The following CLDN20 variants were observed in gnomAD, a reference collection of about 807,000 sequenced individuals.
The protein encoded by CLDN20 is claudin 20.
For missense variants in CLDN20, 258 were observed against 267.9 expected (o/e 0.96, Z 0.26); for synonymous variants, 104 against 103.6 (o/e 1.00, Z -0.03).
intron 1 of CLDN20, 77 bp from the exon 2 acceptor site, chr6:155,275,539 T>G: frequency 1.6e-6 from 1 of 626,456 alleles, no homozygotes; most frequent in South Asian, 2.0e-5. Flanking sequence ...GATGTGTTCT[T>G]GGCTCCTACT....
chr6:155,274,272 T>A (rs1785068772), intron 1 of CLDN20, among the ~76,000 whole-genome samples: 1 of 152,182 alleles, frequency 6.6e-6, no homozygotes, highest in South Asian at 2.1e-4. Context: ...TCAGAAACCA[T>A]TACATTTTTC....
chr6:155,266,185 A>G (rs1313577386), intron 1 of CLDN20, among the ~76,000 whole-genome samples: 1 of 152,188 alleles, frequency 6.6e-6, no homozygotes, highest in Non-Finnish European at 1.5e-5. Context: ...GTTAACCATC[A>G]CAACATTTTT....
At chr6:155,269,161 C>A (rs570492840) in intron 1 of CLDN20, among the ~76,000 whole-genome samples, 132 of 151,802 alleles carry the variant, frequency 8.7e-4, no homozygotes, top group African/African-American at 3.2e-3. Flanking sequence ...GTAGGACTTA[C>A]AAATATGCTC....
intron 1 of CLDN20, among the ~76,000 whole-genome samples, chr6:155,265,192 C>G (rs1160772817): frequency 6.6e-6 from 1 of 152,188 alleles, no homozygotes; most frequent in African/African-American, 2.4e-5. Context: ...GGCTGCCCAG[C>G]CGGGCCATGG....
In CLDN20 at chr6:155,276,357, AC is replaced by A; in HGVS notation, c.639del (p.His213GlnfsTer3). ...SNTQLENNST[H>X]NLKDYV ...ACACAGCTCGAGAACAATTCCACACACAATCTGAAGGATTATGTGTAAATAA... is the reference window on the plus strand; with the variant it reads ...ACACAGCTCGAGAACAATTCCACACAAATCTGAAGGATTATGTGTAAATAA... On this transcript the variant is annotated frameshift_variant, in exon 2 of 2. Coordinates refer to ENST00000367165, the MANE Select transcript of CLDN20 (RefSeq NM_001001346.3). LOFTEE classifies it high-confidence loss of function. 1 of 1,613,166 alleles carries A rather than the reference AC, an allele frequency of 6.2e-7. No homozygotes were observed. Among genetic ancestry groups the A allele is most frequent in the South Asian group, 1.1e-5 (1 of 91,050 alleles).
Position 155,275,083 on chromosome 6 carries a change from G to A in CLDN20, c.-104-533G>A, listed in dbSNP as rs375354976. ...AATACAAAAAAAAAAAAAATTAGCC[G>A]GGCATGGTGGCGGGCGCCTGTAGTC... is the stretch of plus-strand genomic sequence containing the variant. On this transcript the variant is annotated intron_variant, in intron 1 of 1. Transcript: ENST00000367165. Among the ~76,000 whole-genome samples the A allele has an allele frequency of 2.6e-3, 400 of 151,848 alleles. 3 individuals carry two copies. The highest frequency in any genetic ancestry group is 8.8e-3 in the African/African-American group (366 of 41,426).
At chr6:155,266,734 C>A (rs113984694) in intron 1 of CLDN20, among the ~76,000 whole-genome samples, 5 of 151,162 alleles carry the variant, frequency 3.3e-5, no homozygotes, top group African/African-American at 1.2e-4. Flanking sequence ...GTAGTCCCCG[C>A]TACTTGGGAG....
Position 155,276,508 on chromosome 6 carries a change from A to C in CLDN20, c.*129A>C. The C allele has an allele frequency of 2.5e-6, 2 of 806,580 alleles. No homozygotes were observed. Among genetic ancestry groups the C allele is most frequent in the Non-Finnish European group, 3.9e-6 (2 of 512,650 alleles). 50.0% of individuals were successfully genotyped at this position (806,580 alleles called of 1,614,324 possible). On this transcript the variant is annotated 3_prime_UTR_variant, in exon 2 of 2. Transcript: ENST00000367165. ...GAATGTAAAATACTTTAACAACTAC[A>C]AAGTAGTTTAAAATGCCAATAAAAC...
intron 1 of CLDN20, among the ~76,000 whole-genome samples, chr6:155,270,654 T>A (rs1267684382): frequency 6.6e-6 from 1 of 152,166 alleles, no homozygotes; most frequent in African/African-American, 2.4e-5. Context: ...AACCCATTTA[T>A]CCTCCAGCCA....
chr6:155,264,127 G>C lies in CLDN20; in HGVS notation c.-266G>C, dbSNP rs1485989743. 2.0e-5 allele frequency: 3 copies of C among 152,174 alleles called. No individual in the cohort carries two copies. Among genetic ancestry groups the C allele is most frequent in the Non-Finnish European group, 4.4e-5 (3 of 68,054 alleles). 9.4% of individuals were successfully genotyped at this position (152,174 alleles called of 1,614,324 possible). On this transcript the variant is annotated 5_prime_UTR_variant, in exon 1 of 2. Transcript: ENST00000367165. ...GGAACGCAGGAGGACAGGGGCTTGG[G>C]AGAGCCACTTCACTGTCGGGTAAAA...
chr6:155,264,599 G>C (rs537082474), intron 1 of CLDN20, among the ~76,000 whole-genome samples: 1 of 151,938 alleles, frequency 6.6e-6, no homozygotes, highest in South Asian at 2.1e-4. Context: ...CAGAAGTTCT[G>C]TCCTCACCCT....
At chr6:155,266,206 A>C (rs889893690) in intron 1 of CLDN20, among the ~76,000 whole-genome samples, 7 of 152,182 alleles carry the variant, frequency 4.6e-5, no homozygotes, top group Admixed American at 3.9e-4. Flanking sequence ...TTTAAAATTC[A>C]GAACCCCAAC....
At chr6:155,265,193 C>CG (rs1562388808) in intron 1 of CLDN20, among the ~76,000 whole-genome samples, 1 of 152,140 alleles carries the variant, frequency 6.6e-6, no homozygotes, top group African/African-American at 2.4e-5. Flanking sequence ...GCTGCCCAGC[C>CG]GGGCCATGGG....
intron 1 of CLDN20, among the ~76,000 whole-genome samples, chr6:155,275,290 C>T (rs1388091546): frequency 6.6e-6 from 1 of 152,178 alleles, no homozygotes; most frequent in East Asian, 1.9e-4. Context: ...AATTCTTTAT[C>T]AGATACTATA....
intron 1 of CLDN20, among the ~76,000 whole-genome samples, chr6:155,272,245 CTTTCGGTA>C (rs1784951941): frequency 6.6e-6 from 1 of 152,126 alleles, no homozygotes; most frequent in Non-Finnish European, 1.5e-5. Flanking sequence ...AAGAATAGGT[CTTTCGGTA>C]TTATTTAGTT....
intron 1 of CLDN20, among the ~76,000 whole-genome samples, chr6:155,273,227 A>T (rs774182794): frequency 6.6e-6 from 1 of 152,236 alleles, no homozygotes; most frequent in Non-Finnish European, 1.5e-5. Context: ...AACAGAAAAG[A>T]AACTGTATGA....
At chr6:155,267,605 C>A (rs1210381058) in intron 1 of CLDN20, among the ~76,000 whole-genome samples, 1 of 152,180 alleles carries the variant, frequency 6.6e-6, no homozygotes, top group East Asian at 1.9e-4. Context: ...GTGGTCCCAG[C>A]AGCTACTAGC....
rs1161133517 is a variant in CLDN20, at chr6:155,275,639, G to A, written c.-81G>A. ...AGGCTTTGTTATTTGGTTCTCTACT[G>A]CACAGAAATAGATAGAATTCTGACA... On this transcript the variant is annotated 5_prime_UTR_variant, in exon 2 of 2. Transcript: ENST00000367165. 29 of 1,379,648 alleles carry A rather than the reference G, an allele frequency of 2.1e-5. No individual in the cohort carries two copies. The highest frequency in any genetic ancestry group is 4.6e-5 in the East Asian group (2 of 43,504). The allele number at this position is 1,379,648 out of a possible 1,614,324, so 85.5% of individuals were successfully genotyped here. A position where few individuals can be genotyped will look rare whatever the true frequency, so the allele number is the denominator to read the frequency against.
intron 1 of CLDN20, among the ~76,000 whole-genome samples, 191 bp from the exon 2 acceptor site, chr6:155,275,425 C>T (rs536267053): frequency 6.6e-6 from 1 of 152,218 alleles, no homozygotes; most frequent in East Asian, 1.9e-4. Context: ...ATCAACACCA[C>T]CCATGCATAT....
Sources: allele counts gnomAD v4.1 joint callset (sites outside exome capture counted in the v4.1 genomes callset), GRCh38; gene constraint gnomAD v4.1.1; transcripts MANE v1.5; gene names NCBI Gene and HGNC (gene_info 2026-07-23, HGNC 2026-07-21).